COPS4: variants seen among roughly 807,000 people sequenced by gnomAD.
COPS4 encodes the protein COP9 signalosome subunit 4.
In COPS4, 8 loss-of-function variants were observed where a neutral mutation model predicts 55.1. The observed-to-expected ratio is 0.15, with a 90% CI of 0.09 to 0.26. COPS4 has a LOEUF of 0.26. COPS4 is among the 10% of genes least tolerant of loss of function. COPS4 has a pLI of 1.00. For missense variants in COPS4, 248 were observed against 484.0 expected (o/e 0.51, Z 4.58); for synonymous variants, 185 against 165.7 (o/e 1.12, Z -0.90).
chr4:83,055,139 T>C (rs1192438331), intron 4 of COPS4, among the ~76,000 whole-genome samples: 7 of 152,392 alleles, frequency 4.6e-5, no homozygotes. Context: ...TCTGTGTTCT[T>C]GCCACATGGT....
At position 83,057,463 on chromosome 4, in the gene COPS4, T is replaced by C. The variant is rs1282397297; in HGVS notation, c.715+55T>C. The C allele has an allele frequency of 3.5e-6, 5 of 1,447,924 alleles. No homozygotes were observed. The East Asian group carries it at 9.4e-5, about 27-fold the overall frequency. 89.7% of individuals were successfully genotyped at this position (1,447,924 alleles called of 1,614,324 possible). ...AACAGTTATCTTTGCTTAATAACTT[T>C]AGGTTGGTTACTGTTGGAAAATTTA... On this transcript the variant is annotated intron_variant, in intron 6 of 9. Transcript: ENST00000264389.
intron 9 of COPS4, among the ~76,000 whole-genome samples, chr4:83,074,131 G>A (rs953113447): frequency 6.6e-6 from 1 of 152,096 alleles, no homozygotes; most frequent in Non-Finnish European, 1.5e-5. Flanking sequence ...GGATTTAAAT[G>A]GTATGATATT....
intron 4 of COPS4, among the ~76,000 whole-genome samples, chr4:83,056,322 C>G (rs1731012365): frequency 1.3e-5 from 2 of 152,116 alleles, no homozygotes; most frequent in South Asian, 4.1e-4. Flanking sequence ...GCATATTTCC[C>G]AGTTATTTTC....
At chr4:83,046,100 T>G (rs1730704588) in intron 2 of COPS4, among the ~76,000 whole-genome samples, 1 of 151,988 alleles carries the variant, frequency 6.6e-6, no homozygotes, top group South Asian at 2.1e-4. Context: ...CTATAGTACA[T>G]TACTGTACTA....
chr4:83,068,901 C>T (rs972706623), intron 9 of COPS4, among the ~76,000 whole-genome samples: 1 of 150,446 alleles, frequency 6.6e-6, no homozygotes, highest in Non-Finnish European at 1.5e-5. Context: ...ACCTAGGAGG[C>T]AGAAGTTGCA....
chr4:83,066,752 G>A (rs908759578), intron 8 of COPS4, among the ~76,000 whole-genome samples, 199 bp downstream of exon 8: 2 of 152,188 alleles, frequency 1.3e-5, no homozygotes, highest in African/African-American at 4.8e-5. Flanking sequence ...GTGTTTATTA[G>A]TGGAATTGTC....
chr4:83,072,803 A>G (rs886142110), intron 9 of COPS4, among the ~76,000 whole-genome samples: 37 of 152,216 alleles, frequency 2.4e-4, no homozygotes, highest in African/African-American at 7.7e-4. Flanking sequence ...CTGCAATAAT[A>G]TGGTAATAAA....
intron 6 of COPS4, among the ~76,000 whole-genome samples, chr4:83,061,714 T>C (rs911048507): frequency 6.6e-6 from 1 of 151,278 alleles, no homozygotes; most frequent in Non-Finnish European, 1.5e-5. Flanking sequence ...ATTATGTCTT[T>C]TTTTTTTTTT....
chr4:83,036,672 G>A (rs72931103), intron 1 of COPS4, among the ~76,000 whole-genome samples: 1,937 of 152,258 alleles, frequency 0.013, 40 homozygotes, highest in African/African-American at 0.044. Flanking sequence ...GATTGTTGTT[G>A]TTACTATTAA....
intron 4 of COPS4, among the ~76,000 whole-genome samples, chr4:83,052,411 G>A (rs182201898): frequency 9.2e-5 from 14 of 152,222 alleles, no homozygotes; most frequent in African/African-American, 9.6e-5. Flanking sequence ...CACTACTGGC[G>A]TTTTCGGCTA....
chr4:83,035,279 C>T lies in COPS4; in HGVS notation c.55C>T (p.His19Tyr), dbSNP rs1437275525. Residue 19 changes from histidine (H) to tyrosine (Y), a missense_variant, in exon 1 of 10, where the codon CAT becomes TAT. His to Tyr is a moderately conservative substitution (Grantham distance 83, BLOSUM62 2). Around this residue, in one of 4 missense-constraint regions of COPS4, gnomAD observed 55 missense variants for 62.8 expected, o/e 0.88. Coordinates refer to ENST00000264389, the MANE Select transcript of COPS4 (RefSeq NM_016129.3). ...CCAGCTCATGAATTCGAGCGGCTCT[C>T]ATAAAGATCTGGCTGGCAAGTGAGT... The part of the protein sequence containing the change: ...LAQLMNSSGS[H>Y]KDLAGKYRQI... The T allele has an allele frequency of 1.3e-6, 2 of 1,566,756 alleles. No individual in the cohort carries two copies. The highest frequency in any genetic ancestry group is 1.1e-5 in the South Asian group (1 of 89,744).
intron 6 of COPS4, among the ~76,000 whole-genome samples, chr4:83,058,344 A>G (rs1266396274): frequency 6.6e-6 from 1 of 152,132 alleles, no homozygotes; most frequent in Non-Finnish European, 1.5e-5. Flanking sequence ...CAACCTCCCA[A>G]GTAGCTGGGA....
At chr4:83,073,084 G>C (rs1057243740) in intron 9 of COPS4, 1 of 445,104 alleles carries the variant, frequency 2.2e-6, no homozygotes, top group East Asian at 3.2e-5. Flanking sequence ...CAATTCAATG[G>C]CCTGTAGTAT....
chr4:83,073,084 G>T (rs1057243740), intron 9 of COPS4: 1 of 445,104 alleles, frequency 2.2e-6, no homozygotes, highest in Non-Finnish European at 4.0e-6. Flanking sequence ...CAATTCAATG[G>T]CCTGTAGTAT....
chr4:83,064,433 C>T (rs1731246368), intron 7 of COPS4, among the ~76,000 whole-genome samples: 1 of 152,132 alleles, frequency 6.6e-6, no homozygotes, highest in African/African-American at 2.4e-5. Flanking sequence ...TGTTGTGCAG[C>T]CATCACCAAC....
intron 1 of COPS4, among the ~76,000 whole-genome samples, chr4:83,038,640 G>GT (rs72610910): frequency 3.8e-5 from 3 of 79,044 alleles, no homozygotes; most frequent in East Asian, 3.7e-4. Context: ...TTGTTTGTTT[G>GT]TTTGTTTTGT....
intron 6 of COPS4, among the ~76,000 whole-genome samples, chr4:83,061,677 T>C (rs1731167028): frequency 6.6e-6 from 1 of 152,194 alleles, no homozygotes; most frequent in Non-Finnish European, 1.5e-5. Context: ...CTCTTTTTGA[T>C]GTTTAAATTG....
At chr4:83,059,680 C>T (rs1310608230) in intron 6 of COPS4, among the ~76,000 whole-genome samples, 1 of 150,812 alleles carries the variant, frequency 6.6e-6, no homozygotes. Context: ...CAGCTCAATT[C>T]TTCTTTTTGT....
chr4:83,070,364 T>C (rs1284596926), intron 9 of COPS4, among the ~76,000 whole-genome samples: 1 of 152,194 alleles, frequency 6.6e-6, no homozygotes, highest in Non-Finnish European at 1.5e-5. Flanking sequence ...AGCCCCATGG[T>C]TCTAGTTTAC....
Sources: allele counts gnomAD v4.1 joint callset (sites outside exome capture counted in the v4.1 genomes callset), GRCh38; gene constraint gnomAD v4.1.1; regional missense constraint gnomAD v4.1.1; transcripts MANE v1.5; gene names NCBI Gene and HGNC (gene_info 2026-07-23, HGNC 2026-07-21).